The following ZSCAN18 variants were observed in gnomAD, a reference collection of about 807,000 sequenced individuals.
The protein encoded by ZSCAN18 is zinc finger and SCAN domain-containing protein 18.
In ZSCAN18, 16 loss-of-function variants were observed where a neutral mutation model predicts 31.1. That is an observed-to-expected ratio of 0.51 (90% CI 0.35 to 0.78). The LOEUF (loss-of-function observed/expected upper bound fraction) is 0.78, where lower values mean the gene tolerates loss of function less well. ZSCAN18 is among the 30% of genes least tolerant of loss of function. The probability of loss-of-function intolerance (pLI) is 0.01; values close to 1 mark genes in which losing one functional copy is unlikely to be tolerated. For synonymous variants in ZSCAN18, 375 were observed against 320.7 expected (o/e 1.17, Z -1.81); for missense variants, 731 against 697.4 (o/e 1.05, Z -0.54).
rs773116015 is a variant in ZSCAN18 at position 58,084,911 on chromosome 19, C to T, written c.1307G>A (p.Gly436Asp). ...SHLMEHHSSH[G>D]GRKRYACQGC... ...CTGACAGGCGTAGCGCTTCCGGCCGCCATGGCTGCTGTGGTGCTCCATCAG... is the reference window on the plus strand; with the variant it reads ...CTGACAGGCGTAGCGCTTCCGGCCGTCATGGCTGCTGTGGTGCTCCATCAG... Residue 436 changes from glycine to aspartate, a missense_variant, in exon 7 of 7, where the codon GGC (glycine) becomes GAC (aspartate). Around this residue, in one of 4 missense-constraint regions of ZSCAN18, gnomAD observed 597 missense variants for 499.5 expected, o/e 1.20. Coordinates refer to ENST00000601144, the MANE Select transcript of ZSCAN18 (RefSeq NM_001145543.2). The surrounding 1 kb of genome is among the most constrained non-coding windows in gnomAD (Gnocchi z 4.5). 6.3e-6 allele frequency: 10 copies of T among 1,594,780 alleles called. No homozygotes were observed. The East Asian group carries it at 2.3e-4, about 36-fold the overall frequency.
rs752854779 is a variant in ZSCAN18, at chr19:58,089,874, C to A, written c.394G>T (p.Glu132Ter). 3.1e-6 allele frequency: 5 copies of A among 1,609,270 alleles called. No individual in the cohort carries two copies. The highest frequency in any genetic ancestry group is 4.2e-6 in the Non-Finnish European group (5 of 1,176,748). The change falls in exon 2 of 7, where the codon GAA (glutamate) becomes TAA (stop). Residue 132 changes from glutamate to a stop codon, truncating the protein, a stop_gained. Transcript: ENST00000601144. LOFTEE classifies it high-confidence loss of function. ...SLVEGLADVLEEPGMLLGSPA... is the reference protein window; with the variant it reads ...SLVEGLADVL ...CTCTGTGACAGCCCACCTGGCTCTTCCAGGACATCAGCGAGGCCCTCCACC... is the reference window on the plus strand; with the variant it reads ...CTCTGTGACAGCCCACCTGGCTCTTACAGGACATCAGCGAGGCCCTCCACC...
upstream of ZSCAN18, among the ~76,000 whole-genome samples, chr19:58,102,418 G>A (rs767271736): frequency 5.3e-5 from 8 of 152,168 alleles, no homozygotes; most frequent in East Asian, 1.9e-4. Context: ...CCAAGATCAC[G>A]CAACTGCACT....
chr19:58,114,279 G>T, intron 1 of ZSCAN18, among the ~76,000 whole-genome samples: 1 of 152,078 alleles, frequency 6.6e-6, no homozygotes. Flanking sequence ...AAAAAAAGAT[G>T]ATAATAATAA....
intron 1 of ZSCAN18, among the ~76,000 whole-genome samples, chr19:58,106,195 A>T (rs2074633087): frequency 6.6e-6 from 1 of 152,132 alleles, no homozygotes; most frequent in African/African-American, 2.4e-5. Flanking sequence ...TCGGCACAGG[A>T]GTTCAAGACC....
Position 58,087,408 on chromosome 19 carries a change from G to A in ZSCAN18, c.554-4C>T, listed in dbSNP as rs769958065. On this transcript the variant is annotated splice_polypyrimidine_tract_variant and splice_region_variant and intron_variant, in intron 3 of 6. Coordinates refer to ENST00000601144, the MANE Select transcript of ZSCAN18 (RefSeq NM_001145543.2). ...AGGGGGTCCGGAGAAAGCCAGGCTGGGGAGAAGGAGAGGCAGAGCTGAGGC... is the reference window on the plus strand; with the variant it reads ...AGGGGGTCCGGAGAAAGCCAGGCTGAGGAGAAGGAGAGGCAGAGCTGAGGC... 6.3e-7 allele frequency: 1 copy of A among 1,595,946 alleles called. No individual in the cohort carries two copies. Among genetic ancestry groups the A allele is most frequent in the East Asian group, 2.2e-5 (1 of 44,498 alleles).
At position 58,085,135 on chromosome 19, in the gene ZSCAN18, G is replaced by A; in HGVS notation, c.1083C>T (p.Asp361=). The A allele has an allele frequency of 1.2e-6, 2 of 1,610,232 alleles. No individual in the cohort carries two copies. Among genetic ancestry groups the A allele is most frequent in the Non-Finnish European group, 1.7e-6 (2 of 1,178,730 alleles). Residue 361 remains aspartate (D), a synonymous_variant, in exon 7 of 7, where the codon GAC becomes GAT. Transcript: ENST00000601144. ...RQSVIQQPAP[D]RGTAKLGTKR... is the part of the protein sequence containing the mutation. Reference sequence around the variant, plus strand: ...TGGTTCCCAGTTTCGCCGTGCCCCTGTCCGGGGCAGGCTGCTGGATGACGG... The same window carrying A: ...TGGTTCCCAGTTTCGCCGTGCCCCTATCCGGGGCAGGCTGCTGGATGACGG...
intron 1 of ZSCAN18, 146 bp downstream of exon 1, chr19:58,098,028 C>A (rs12979001): frequency 1.0e-6 from 1 of 985,626 alleles, no homozygotes. Context: ...GACCCTCGGC[C>A]TCCTGGACGC....
intron 1 of ZSCAN18, chr19:58,093,294 G>A (rs1369234655): frequency 6.6e-6 from 1 of 152,322 alleles, no homozygotes; most frequent in Admixed American, 6.5e-5. Context: ...AGTGTGTGTG[G>A]ACTGTGCAAA....
chr19:58,107,179 A>G (rs1335374808), intron 1 of ZSCAN18, among the ~76,000 whole-genome samples: 1 of 152,218 alleles, frequency 6.6e-6, no homozygotes, highest in East Asian at 1.9e-4. Flanking sequence ...CTCCCTGTAC[A>G]TCTTCATCAC....
rs186317482 is a variant in ZSCAN18, at chr19:58,088,713, C to T, written c.528G>A (p.Gly176=). 675 of 1,611,178 alleles carry T rather than the reference C, an allele frequency of 4.2e-4. 7 individuals carry two copies. The East Asian group carries it at 0.013, about 30-fold the overall frequency. Residue 176 remains glycine, a synonymous_variant, in exon 3 of 7, where the codon GGG becomes GGA. Coordinates refer to ENST00000601144, the MANE Select transcript of ZSCAN18 (RefSeq NM_001145543.2). The part of the protein sequence containing the change: ...LASPSQALGA[G]EIPAPSETPW... ...GTGTCTCAGAAGGTGCCGGGATCTC[C>T]CCAGCTCCAAGGGCCTGGCTGGGGC...
At chr19:58,099,808 T>C (rs1297621611), upstream of ZSCAN18, among the ~76,000 whole-genome samples, 1 of 152,220 alleles carries the variant, frequency 6.6e-6, no homozygotes, top group African/African-American at 2.4e-5. Context: ...TGATATATCA[T>C]TGTGGTTTCA....
intron 1 of ZSCAN18, among the ~76,000 whole-genome samples, chr19:58,111,948 A>G (rs2074686623): frequency 6.6e-6 from 1 of 152,222 alleles, no homozygotes; most frequent in African/African-American, 2.4e-5. Context: ...AGGATAAAGA[A>G]AAAAACACGA....
intron 1 of ZSCAN18, among the ~76,000 whole-genome samples, chr19:58,112,559 G>A (rs2074692411): frequency 6.6e-6 from 1 of 152,074 alleles, no homozygotes; most frequent in Non-Finnish European, 1.5e-5. Flanking sequence ...GCTGAGGCAG[G>A]AGAATGGCGT....
intron 1 of ZSCAN18, among the ~76,000 whole-genome samples, chr19:58,109,970 T>A (rs761027325): frequency 3.3e-5 from 5 of 152,246 alleles, no homozygotes; most frequent in South Asian, 2.1e-4. Context: ...CTGAACTCAA[T>A]CTCCTAGGCT....
rs2145962853 is a variant in ZSCAN18, at chr19:58,085,226, T to G, written c.992A>C (p.Lys331Thr). The G allele has an allele frequency of 1.2e-6, 2 of 1,608,028 alleles. No individual in the cohort carries two copies. Among genetic ancestry groups the G allele is most frequent in the East Asian group, 2.2e-5 (1 of 44,828 alleles). ...CTGGGGGTCCTGCGGGTCCGGGGCC[T>G]TCCCAGGCTGCTCTTCCTCCTCCTC... ...TTEEEEEQPG[K>T]APDPQDPQDA... is the part of the protein sequence containing the mutation. The change falls in exon 7 of 7, where the codon AAG becomes ACG. Residue 331 changes from lysine (K) to threonine (T), a missense_variant. Lys to Thr is a moderately conservative substitution (Grantham distance 78, BLOSUM62 -1). This residue lies in a region of ZSCAN18 where 597 missense variants were observed against 499.5 expected (regional missense o/e 1.20). Transcript: ENST00000601144.
At position 58,090,475 on chromosome 19, in the gene ZSCAN18, A is replaced by G; in HGVS notation, c.-119-89T>C. 2 of 1,243,648 alleles carry G rather than the reference A, an allele frequency of 1.6e-6. No individual in the cohort carries two copies. The highest frequency in any genetic ancestry group is 2.2e-6 in the Non-Finnish European group (2 of 915,444). 77.0% of individuals were successfully genotyped at this position (1,243,648 alleles called of 1,614,324 possible). On this transcript the variant is annotated intron_variant, in intron 1 of 6. Transcript: ENST00000601144. The surrounding 1 kb of genome is among the most constrained non-coding windows in gnomAD (Gnocchi z 4.7). ...CAGAGAACAAAGACACCACACCCAG[A>G]GTTCACACAGATTTCCAAGAAACCC... is the stretch of plus-strand genomic sequence containing the variant.
intron 1 of ZSCAN18, among the ~76,000 whole-genome samples, chr19:58,114,280 A>G (rs2074712221): frequency 6.6e-6 from 1 of 152,186 alleles, no homozygotes; most frequent in Admixed American, 6.5e-5. Context: ...AAAAAAGATG[A>G]TAATAATAAT....
chr19:58,085,551 A>G (rs958655105), intron 6 of ZSCAN18, 172 bp from the exon 7 acceptor site: 2 of 596,616 alleles, frequency 3.4e-6, no homozygotes, highest in Non-Finnish European at 5.7e-6. Flanking sequence ...CCTGCAGCGC[A>G]TGCCCCGCGC....
intron 1 of ZSCAN18, among the ~76,000 whole-genome samples, chr19:58,095,760 G>A (rs371903469): frequency 7.7e-4 from 118 of 152,276 alleles, no homozygotes; most frequent in African/African-American, 2.7e-3. Flanking sequence ...GGAGCTCCTC[G>A]CCTCTGTGCC....
Sources: gnomAD v4.1 joint callset for allele counts (sites outside exome capture counted in the v4.1 genomes callset) on GRCh38, gnomAD v4.1.1 for gene constraint, gnomAD v4.1.1 regional missense constraint, Gnocchi (gnomAD v3.1) non-coding constraint, MANE v1.5 for transcripts, NCBI Gene and HGNC (gene_info 2026-07-23, HGNC 2026-07-21) for gene names.